Variants in JAK1 observed in about 807,000 individuals in gnomAD.
JAK1 encodes the protein tyrosine-protein kinase JAK1.
In JAK1, 16 loss-of-function variants were observed where a neutral mutation model predicts 136.6. The ratio of observed to expected loss-of-function variants is 0.12; its 90% CI spans 0.08 to 0.18. JAK1 has a LOEUF of 0.18. Among genes scored for constraint, JAK1 ranks in the 10% least tolerant of loss-of-function variants. JAK1 has a pLI of 1.00. For synonymous variants in JAK1, 492 were observed against 519.5 expected (o/e 0.95, Z 0.72); for missense variants, 859 against 1,450.1 (o/e 0.59, Z 6.62).
chr1:64,989,540 C>T (rs899607582), intron 2 of JAK1: 1 of 149,376 alleles, frequency 6.7e-6, no homozygotes, highest in Admixed American at 6.7e-5. Flanking sequence ...TTGTGTAGAT[C>T]GGTTTTAACC....
intron 20 of JAK1, among the ~76,000 whole-genome samples, chr1:64,839,329 T>C (rs1008979708): frequency 6.6e-6 from 1 of 151,684 alleles, no homozygotes; most frequent in African/African-American, 2.4e-5. Context: ...GGAGGTAGAG[T>C]AGGAATCAGT....
chr1:64,985,570 A>G, intron 2 of JAK1: 2 of 1,122,058 alleles, frequency 1.8e-6, no homozygotes, highest in Non-Finnish European at 1.3e-6. Flanking sequence ...CCCAGGATGA[A>G]TTCCAGATCA....
chr1:64,957,241 C>T (rs185347605), intron 1 of JAK1, among the ~76,000 whole-genome samples: 2 of 152,208 alleles, frequency 1.3e-5, no homozygotes, highest in African/African-American at 2.4e-5. Flanking sequence ...GGGATCCTTC[C>T]GTTTTTTCAT....
At chr1:64,834,718 C>G in intron 24 of JAK1, 61 bp from the exon 25 acceptor site, 1 of 1,053,056 alleles carries the variant, frequency 9.5e-7, no homozygotes. Flanking sequence ...TAAAAAATAA[C>G]AGAAATATCA....
At position 64,844,390 on chromosome 1, in the gene JAK1, C is replaced by A. The variant is rs1044636348; in HGVS notation, c.2252-175G>T. Among the ~76,000 whole-genome samples the A allele has an allele frequency of 6.6e-6, 1 of 152,222 alleles. No homozygotes were observed. The highest frequency in any genetic ancestry group is 2.4e-5 in the African/African-American group (1 of 41,474). On this transcript the variant is annotated intron_variant, in intron 16 of 24. Transcript: ENST00000342505. This position sits in a 1 kb window ranked among gnomAD's most constrained non-coding sequence, Gnocchi z 5.7. ...GGGGGCCTGCAGGCGTGCAGCCCTC[C>A]AAGCCACCACCAGCACTTCTGATAC...
chr1:64,879,112 T>A lies in JAK1; in HGVS notation c.242A>T (p.Tyr81Phe), dbSNP rs529625257. The part of the protein sequence containing the change: ...SPLCHNLFAL[Y>F]DENTKLWYAP... Reference sequence around the variant, plus strand: ...ATACCAGAGCTTGGTGTTCTCGTCATACAGGGCAAAGAGGTTGTGACAAAG... The same window carrying A: ...ATACCAGAGCTTGGTGTTCTCGTCAAACAGGGCAAAGAGGTTGTGACAAAG... Residue 81 changes from tyrosine (Y) to phenylalanine (F), a missense_variant, in exon 4 of 25, where the codon TAT becomes TTT. Tyr to Phe is a conservative substitution (Grantham distance 22, BLOSUM62 3). This residue lies in a region of JAK1 where 353 missense variants were observed against 494.0 expected (regional missense o/e 0.71). Transcript: ENST00000342505. The A allele has an allele frequency of 6.2e-7, 1 of 1,613,984 alleles. No homozygotes were observed. The highest frequency in any genetic ancestry group is 2.2e-5 in the East Asian group (1 of 44,860).
chr1:64,874,345 T>C (rs1657261950), intron 4 of JAK1, among the ~76,000 whole-genome samples: 1 of 152,044 alleles, frequency 6.6e-6, no homozygotes, highest in African/African-American at 2.4e-5. Context: ...TTGAAAAAAC[T>C]GACGAACTGT....
At chr1:65,052,109 C>T (rs540365860) in intron 1 of JAK1, among the ~76,000 whole-genome samples, 1 of 144,966 alleles carries the variant, frequency 6.9e-6, no homozygotes, top group African/African-American at 2.6e-5. Context: ...TGCACCACCA[C>T]GCCTGGCTAT....
rs753467600 is a variant in JAK1, at chr1:64,844,257, C to T, written c.2252-42G>A. The T allele has an allele frequency of 6.2e-7, 1 of 1,611,730 alleles. No individual in the cohort carries two copies. The highest frequency in any genetic ancestry group is 2.2e-5 in the East Asian group (1 of 44,850). ...ACACTGATGGAGCAGTTTCTGGGAT[C>T]TCCTAGGGATTCAATTACTGTCACT... On this transcript the variant is annotated intron_variant, in intron 16 of 24. Transcript: ENST00000342505. This position sits in a 1 kb window ranked among gnomAD's most constrained non-coding sequence, Gnocchi z 5.7.
At chr1:64,950,580 C>T (rs1309128992) in intron 1 of JAK1, among the ~76,000 whole-genome samples, 2 of 152,162 alleles carry the variant, frequency 1.3e-5, no homozygotes, top group African/African-American at 4.8e-5. Context: ...ATCCGGCCAG[C>T]CCTTGGACTG....
At position 64,864,988 on chromosome 1, in the gene JAK1, A is replaced by G. The variant is rs2101103521; in HGVS notation, c.991-16T>C. 6.2e-7 allele frequency: 1 copy of G among 1,600,980 alleles called. No homozygotes were observed. Among genetic ancestry groups the G allele is most frequent in the Non-Finnish European group, 8.5e-7 (1 of 1,170,772 alleles). ...CAGAAACAACCTGATAAGATACATA[A>G]AAGGGACAGGGTTAAGTTGCTTTCT... On this transcript the variant is annotated splice_polypyrimidine_tract_variant and intron_variant, in intron 7 of 24. Coordinates refer to ENST00000342505, the MANE Select transcript of JAK1 (RefSeq NM_002227.4).
rs576052453 is a variant in JAK1, at chr1:64,949,524, A to G, written c.-78+16809T>C. Among the ~76,000 whole-genome samples, 8 of 152,370 alleles carry G rather than the reference A, an allele frequency of 5.3e-5. No homozygotes were observed. In the South Asian group the frequency reaches 1.4e-3, roughly 28 times the overall value. On this transcript the variant is annotated intron_variant, in intron 1 of 24. Transcript: ENST00000342505. ...CAAGTGCACATTGTGCACTTACAGA[A>G]TATCATTTCCCAGTGAGAAAAGGCA... is the stretch of plus-strand genomic sequence containing the variant.
chr1:64,934,496 A>T (rs994123594), intron 1 of JAK1, among the ~76,000 whole-genome samples: 1 of 152,190 alleles, frequency 6.6e-6, no homozygotes, highest in Non-Finnish European at 1.5e-5. Context: ...AGTAAAGAAA[A>T]ACAACAGTGA....
chr1:64,938,608 T>C (rs1164910514), intron 1 of JAK1, among the ~76,000 whole-genome samples: 3 of 152,228 alleles, frequency 2.0e-5, no homozygotes, highest in African/African-American at 7.2e-5. Context: ...TCTCCTCTAC[T>C]TCTCAATACT....
chr1:64,864,938 T>C lies in JAK1; in HGVS notation c.1025A>G (p.Lys342Arg). Residue 342 changes from lysine to arginine, a missense_variant, in exon 8 of 25, where the codon AAG becomes AGG. By Grantham distance (26) the Lys-to-Arg change is conservative (BLOSUM62 2). Transcript: ENST00000342505. Reference protein sequence around the residue: ...VSVEKEKNKLKRKKLENKHKK... With the variant: ...VSVEKEKNKLRRKKLENKHKK... ...GTGTTTATTTTCCAGTTTTTTCCGC[T>C]TCAGTTTATTTTTTTCCTTTTCAAC... 1.2e-6 allele frequency: 2 copies of C among 1,613,644 alleles called. No individual in the cohort carries two copies. Among genetic ancestry groups the C allele is most frequent in the Non-Finnish European group, 1.7e-6 (2 of 1,179,836 alleles).
chr1:65,022,340 C>T (rs1646944656), intron 2 of JAK1, among the ~76,000 whole-genome samples: 1 of 152,126 alleles, frequency 6.6e-6, no homozygotes, highest in African/African-American at 2.4e-5. Flanking sequence ...CAGAGAAGTC[C>T]ATGCTAGTGA....
chr1:64,871,093 T>C (rs958727903), intron 5 of JAK1, among the ~76,000 whole-genome samples: 2 of 152,220 alleles, frequency 1.3e-5, no homozygotes, highest in Non-Finnish European at 1.5e-5. Context: ...ACTGGGAAGC[T>C]GAATCCAAAA....
intron 2 of JAK1, among the ~76,000 whole-genome samples, chr1:65,010,946 C>G (rs918250340): frequency 2.0e-5 from 3 of 152,116 alleles, no homozygotes; most frequent in South Asian, 4.1e-4. Flanking sequence ...TATAATTGCA[C>G]CACTGCACTC....
At chr1:64,970,079 G>A (rs1047555723), upstream of JAK1, among the ~76,000 whole-genome samples, 2 of 137,386 alleles carry the variant, frequency 1.5e-5, no homozygotes, top group Non-Finnish European at 3.1e-5. Context: ...AGGCTGCAGT[G>A]AGCTAGTATG....
Sources: allele counts gnomAD v4.1 joint callset (sites outside exome capture counted in the v4.1 genomes callset), GRCh38; gene constraint gnomAD v4.1.1; regional missense constraint gnomAD v4.1.1; non-coding constraint Gnocchi (gnomAD v3.1); transcripts MANE v1.5; gene names NCBI Gene and HGNC (gene_info 2026-07-23, HGNC 2026-07-21).